TBC1D5: variants seen among roughly 807,000 people sequenced by gnomAD.
TBC1D5 encodes TBC1 domain family member 5, also known as TBC1 domain family, member 5.
Under a neutral mutation model 100.3 loss-of-function variants are expected in TBC1D5, and 75 were observed. That is an observed-to-expected ratio of 0.75 (90% CI 0.62 to 0.91). The LOEUF (loss-of-function observed/expected upper bound fraction) is 0.91, where lower values mean the gene tolerates loss of function less well. Ranked by LOEUF, TBC1D5 falls within the 40% of genes least tolerant of loss-of-function variation. TBC1D5 has a pLI of 0.00. For synonymous variants in TBC1D5, 323 were observed against 325.6 expected (o/e 0.99, Z 0.09); for missense variants, 910 against 942.4 (o/e 0.97, Z 0.45).
chr3:17,513,228 AGG>A (rs921150878), intron 2 of TBC1D5, among the ~76,000 whole-genome samples: 1 of 151,968 alleles, frequency 6.6e-6, no homozygotes, highest in Non-Finnish European at 1.5e-5. Context: ...GCTACTTGGG[AGG>A]CTGAGGCAGA....
At chr3:17,455,354 GTATA>G (rs576693094) in intron 3 of TBC1D5, among the ~76,000 whole-genome samples, 3 of 140,248 alleles carry the variant, frequency 2.1e-5, no homozygotes, top group South Asian at 2.2e-4. Flanking sequence ...ATATGTATAT[GTATA>G]TGTGTGTATA....
chr3:17,559,677 C>T (rs941277404), intron 2 of TBC1D5, among the ~76,000 whole-genome samples: 2 of 151,656 alleles, frequency 1.3e-5, no homozygotes, highest in Admixed American at 6.6e-5. Context: ...GCAACCTCCA[C>T]GTCCTGGGTT....
intron 21 of TBC1D5, among the ~76,000 whole-genome samples, chr3:17,166,196 G>GA (rs201434365): frequency 4.7e-5 from 7 of 147,460 alleles, no homozygotes; most frequent in Non-Finnish European, 7.5e-5. Flanking sequence ...AAGATACAAA[G>GA]AAAAAAAAAA....
chr3:17,184,125 A>G (rs1206335173), intron 19 of TBC1D5, among the ~76,000 whole-genome samples: 4 of 152,228 alleles, frequency 2.6e-5, no homozygotes, highest in African/African-American at 9.6e-5. Flanking sequence ...GGAGTTACTG[A>G]AGTGATTCAT....
At chr3:17,378,771 T>TC (rs1448855413) in intron 9 of TBC1D5, among the ~76,000 whole-genome samples, 1 of 151,600 alleles carries the variant, frequency 6.6e-6, no homozygotes, top group East Asian at 1.9e-4. Context: ...AGTTTCCTTT[T>TC]TTTTTTTTCA....
chr3:17,199,805 C>G (rs1169511235), intron 18 of TBC1D5, among the ~76,000 whole-genome samples: 1 of 152,118 alleles, frequency 6.6e-6, no homozygotes, highest in East Asian at 1.9e-4. Flanking sequence ...ATCTGAAAGG[C>G]CCTTTTTGTA....
chr3:17,495,901 A>G (rs1374782603), intron 3 of TBC1D5, among the ~76,000 whole-genome samples: 1 of 152,236 alleles, frequency 6.6e-6, no homozygotes, highest in Non-Finnish European at 1.5e-5. Context: ...ACTAAACTCT[A>G]TTAAAAATTT....
At chr3:17,518,175 T>C (rs1297680908) in intron 2 of TBC1D5, among the ~76,000 whole-genome samples, 1 of 151,806 alleles carries the variant, frequency 6.6e-6, no homozygotes, top group Non-Finnish European at 1.5e-5. Flanking sequence ...CAGAAAAGGG[T>C]GGGTCCCCGA....
At chr3:17,640,487 T>C (rs996379327) in intron 1 of TBC1D5, among the ~76,000 whole-genome samples, 1 of 152,080 alleles carries the variant, frequency 6.6e-6, no homozygotes, top group Non-Finnish European at 1.5e-5. Flanking sequence ...AGAATTATTT[T>C]AGAACTTGAA....
intron 2 of TBC1D5, among the ~76,000 whole-genome samples, chr3:17,617,731 T>C (rs1193724864): frequency 2.6e-5 from 4 of 152,226 alleles, no homozygotes; most frequent in Non-Finnish European, 4.4e-5. Flanking sequence ...TCTCGTGCCA[T>C]GGTTTTCAGC....
intron 3 of TBC1D5, among the ~76,000 whole-genome samples, chr3:17,487,020 A>G (rs2150440538): frequency 6.6e-6 from 1 of 152,350 alleles, no homozygotes; most frequent in South Asian, 2.1e-4. Context: ...TTTCAGTAAC[A>G]TAGTGATAGT....
intron 2 of TBC1D5, among the ~76,000 whole-genome samples, chr3:17,617,226 C>G (rs2062246310): frequency 1.3e-5 from 2 of 152,198 alleles, no homozygotes; most frequent in South Asian, 4.1e-4. Context: ...TCTCTTCTGG[C>G]TTATAGGGTT....
At position 17,511,064 on chromosome 3, in the gene TBC1D5, G is replaced by A. The variant is rs1407967643; in HGVS notation, c.-35-2459C>T. 2.6e-5 allele frequency among the ~76,000 whole-genome samples: 4 copies of A among 152,092 alleles called. No individual in the cohort carries two copies. The East Asian group carries it at 7.7e-4, about 29-fold the overall frequency. On this transcript the variant is annotated intron_variant, in intron 2 of 21. Coordinates refer to ENST00000253692, the Ensembl canonical transcript of TBC1D5. The stretch of plus-strand genomic sequence containing the variant: ...GGGGGTATAAAAAGATGCAGCCTAT[G>A]AATAATTAGAACACCCTTTACTCTG...
chr3:17,640,695 A>G (rs73167513), intron 1 of TBC1D5, among the ~76,000 whole-genome samples: 4,052 of 152,192 alleles, frequency 0.027, 171 homozygotes, highest in African/African-American at 0.091. Context: ...TCCAAGCTAG[A>G]AAAAAATGAA....
chr3:17,613,754 T>C (rs2061881686), intron 2 of TBC1D5, among the ~76,000 whole-genome samples: 1 of 152,224 alleles, frequency 6.6e-6, no homozygotes, highest in African/African-American at 2.4e-5. Context: ...TCTTGTAAAT[T>C]TGCTTAAGTT....
intron 9 of TBC1D5, among the ~76,000 whole-genome samples, chr3:17,382,995 T>A (rs1446954687): frequency 6.6e-6 from 1 of 152,088 alleles, no homozygotes; most frequent in Non-Finnish European, 1.5e-5. Flanking sequence ...AGCAGTTAAT[T>A]AATACAGAAA....
In TBC1D5 at chr3:17,373,660, T is replaced by A. The variant is rs1464661810; in HGVS notation, c.822+811A>T. Among the ~76,000 whole-genome samples the A allele has an allele frequency of 1.3e-5, 2 of 152,140 alleles. 1 individual carries two copies. Among genetic ancestry groups the A allele is most frequent in the Non-Finnish European group, 2.9e-5 (2 of 67,994 alleles). ...AACAAAATGTGGTATATCTATATAA[T>A]GCAATATTTTTCAGGCATAAAAAGA... On this transcript the variant is annotated intron_variant, in intron 12 of 21. Transcript: ENST00000253692.
chr3:17,661,930 G>A (rs931712166), intron 1 of TBC1D5, among the ~76,000 whole-genome samples: 1 of 151,488 alleles, frequency 6.6e-6, no homozygotes, highest in East Asian at 1.9e-4. Flanking sequence ...TTACTCTGTC[G>A]CCCAGGCTGC....
At chr3:17,176,601 G>A (rs945840580) in intron 19 of TBC1D5, among the ~76,000 whole-genome samples, 1 of 152,080 alleles carries the variant, frequency 6.6e-6, no homozygotes, top group Non-Finnish European at 1.5e-5. Flanking sequence ...GCTGAACAAC[G>A]AGAGCACATG....
Sources: allele counts gnomAD v4.1 joint callset (sites outside exome capture counted in the v4.1 genomes callset), GRCh38; gene constraint gnomAD v4.1.1; transcripts MANE v1.5; gene names NCBI Gene and HGNC (gene_info 2026-07-23, HGNC 2026-07-21).